SIPA1L1: variants seen among roughly 807,000 people sequenced by gnomAD.
The protein encoded by SIPA1L1 is signal induced proliferation associated 1 like 1, also known as signal-induced proliferation-associated 1-like protein 1.
In SIPA1L1, 26 loss-of-function variants were observed where a neutral mutation model predicts 162.7. That is an observed-to-expected ratio of 0.16 (90% CI 0.12 to 0.22). SIPA1L1 has a LOEUF of 0.22. Among genes scored for constraint, SIPA1L1 ranks in the 10% least tolerant of loss-of-function variants. The pLI is 1.00. For synonymous variants in SIPA1L1, 829 were observed against 837.4 expected, an observed-to-expected ratio of 0.99 and a Z score of 0.17; for missense variants, 1,874 against 2,241.0, an observed-to-expected ratio of 0.84 and a Z score of 3.31.
In SIPA1L1 at chr14:71,668,686, A is replaced by G. The variant is rs150194727; in HGVS notation, c.2256-2433A>G. Among the ~76,000 whole-genome samples, 65 of 152,272 alleles carry G rather than the reference A, an allele frequency of 4.3e-4. No individual in the cohort carries two copies. In the East Asian group the frequency reaches 0.012, roughly 29 times the overall value. ...ACTTTCCATCACTGTTTTAGCCTCT[A>G]GCTCTGTCTGTCTGTCATCTAGATA... On this transcript the variant is annotated intron_variant, in intron 10 of 23. Coordinates refer to ENST00000381232, the MANE Select transcript of SIPA1L1 (RefSeq NM_001386936.1).
chr14:71,593,761 G>C (rs1292655495), intron 5 of SIPA1L1, among the ~76,000 whole-genome samples: 1 of 152,090 alleles, frequency 6.6e-6, no homozygotes, highest in Non-Finnish European at 1.5e-5. Flanking sequence ...CATTAATGAA[G>C]ACAGAGGAGC....
intron 2 of SIPA1L1, among the ~76,000 whole-genome samples, chr14:71,327,964 A>T (rs1241303283): frequency 6.6e-6 from 1 of 152,214 alleles, no homozygotes; most frequent in Non-Finnish European, 1.5e-5. Context: ...CTTGTGAAAC[A>T]TGTTAGGAAG....
intron 4 of SIPA1L1, among the ~76,000 whole-genome samples, chr14:71,554,673 T>G (rs2056190337): frequency 6.6e-6 from 1 of 152,210 alleles, no homozygotes; most frequent in Non-Finnish European, 1.5e-5. Context: ...TTCATAAAAT[T>G]TTTTGGTGAG....
chr14:71,731,391 G>A lies in SIPA1L1; in HGVS notation c.4861+1090G>A, dbSNP rs371721706. Among the ~76,000 whole-genome samples, 46 of 152,056 alleles carry A rather than the reference G, an allele frequency of 3.0e-4. 1 individual carries two copies. Among genetic ancestry groups the A allele is most frequent in the Middle Eastern group, 6.8e-3 (2 of 294 alleles). On this transcript the variant is annotated intron_variant, in intron 20 of 23. Coordinates refer to ENST00000381232, the MANE Select transcript of SIPA1L1 (RefSeq NM_001386936.1). Reference sequence around the variant, plus strand: ...CAGCTAAAATCTGGGTTGTCTTTGCGCCAGGAAGTCACCTCCGATGAACCA... The same window carrying A: ...CAGCTAAAATCTGGGTTGTCTTTGCACCAGGAAGTCACCTCCGATGAACCA...
chr14:71,729,929 C>T lies in SIPA1L1; in HGVS notation c.4615-126C>T, dbSNP rs1448015242. ...TGAGGTTGTAGAAATAGACAATGAG[C>T]CCTGAAGCTTCCTTGCTAGGGGTGT... is the stretch of plus-strand genomic sequence containing the variant. On this transcript the variant is annotated intron_variant, in intron 19 of 23. Coordinates refer to ENST00000381232, the MANE Select transcript of SIPA1L1 (RefSeq NM_001386936.1). 31 of 1,019,694 alleles carry T rather than the reference C, an allele frequency of 3.0e-5. No homozygotes were observed. In the Admixed American group the frequency reaches 5.2e-4, roughly 17 times the overall value. The allele number at this position is 1,019,694 out of a possible 1,614,324, so 63.2% of individuals were successfully genotyped here. A position where few individuals can be genotyped will look rare whatever the true frequency, so the allele number is the denominator to read the frequency against.
At chr14:71,623,462 G>A (rs966164506) in intron 6 of SIPA1L1, among the ~76,000 whole-genome samples, 3 of 152,182 alleles carry the variant, frequency 2.0e-5, no homozygotes, top group African/African-American at 7.2e-5. Flanking sequence ...AGAAGGGAAG[G>A]TATTTTAAGA....
intron 7 of SIPA1L1, among the ~76,000 whole-genome samples, chr14:71,634,592 C>T (rs1338519669): frequency 2.6e-5 from 4 of 151,890 alleles, no homozygotes; most frequent in Non-Finnish European, 5.9e-5. Flanking sequence ...GAGACATTCT[C>T]AGATAAAGGA....
chr14:71,674,500 T>C (rs181923001), intron 12 of SIPA1L1, among the ~76,000 whole-genome samples: 173 of 152,242 alleles, frequency 1.1e-3, no homozygotes, highest in African/African-American at 4.0e-3. Flanking sequence ...GGTTAGTGCA[T>C]TTAATTCTCA....
At chr14:71,702,309 A>T in intron 14 of SIPA1L1, 72 bp from the exon 15 acceptor site, 1 of 1,549,164 alleles carries the variant, frequency 6.5e-7, no homozygotes, top group Non-Finnish European at 8.8e-7. Context: ...TTAGTTCATT[A>T]CACCCAGGAC....
chr14:71,493,978 C>G (rs2049509236), intron 2 of SIPA1L1, among the ~76,000 whole-genome samples: 1 of 152,190 alleles, frequency 6.6e-6, no homozygotes, highest in Admixed American at 6.5e-5. Context: ...AGCACAGGGG[C>G]TTTTGCTTTT....
At chr14:71,458,349 C>T (rs749078404) in intron 2 of SIPA1L1, among the ~76,000 whole-genome samples, 1 of 152,138 alleles carries the variant, frequency 6.6e-6, no homozygotes, top group Non-Finnish European at 1.5e-5. Flanking sequence ...AATTTTAGAA[C>T]CTTTTGAGCA....
At chr14:71,580,816 G>A (rs767327539) in intron 4 of SIPA1L1, among the ~76,000 whole-genome samples, 1 of 151,968 alleles carries the variant, frequency 6.6e-6, no homozygotes, top group South Asian at 2.1e-4. Context: ...CAGAAAGATG[G>A]CTTTTTTTCT....
At chr14:71,361,059 AAGAC>A (rs964644990) in intron 2 of SIPA1L1, among the ~76,000 whole-genome samples, 5 of 152,144 alleles carry the variant, frequency 3.3e-5, no homozygotes, top group African/African-American at 7.2e-5. Context: ...GGTATGGAGA[AAGAC>A]AGCAAACCTC....
chr14:71,733,329 C>T (rs1445971403), intron 20 of SIPA1L1, among the ~76,000 whole-genome samples: 1 of 152,240 alleles, frequency 6.6e-6, no homozygotes, highest in East Asian at 1.9e-4. Flanking sequence ...AATCCCTTGA[C>T]TCTGTGCAGG....
At chr14:71,561,061 G>A (rs949888126) in intron 4 of SIPA1L1, among the ~76,000 whole-genome samples, 1 of 152,050 alleles carries the variant, frequency 6.6e-6, no homozygotes, top group Non-Finnish European at 1.5e-5. Context: ...TCTAAAAAGA[G>A]TTCTTTTTAG....
At chr14:71,370,761 G>C (rs2038812062) in intron 2 of SIPA1L1, among the ~76,000 whole-genome samples, 1 of 152,162 alleles carries the variant, frequency 6.6e-6, no homozygotes, top group Non-Finnish European at 1.5e-5. Flanking sequence ...CAAAGGTCTT[G>C]ATTCCAACTG....
At chr14:71,577,083 A>AG (rs1389682816) in intron 4 of SIPA1L1, among the ~76,000 whole-genome samples, 15 of 151,538 alleles carry the variant, frequency 9.9e-5, no homozygotes, top group African/African-American at 2.2e-4. Flanking sequence ...AAAAAAAAAA[A>AG]AAGAAGAAAA....
chr14:71,494,489 G>T (rs2049557438), intron 2 of SIPA1L1, among the ~76,000 whole-genome samples: 1 of 149,118 alleles, frequency 6.7e-6, no homozygotes, highest in African/African-American at 2.5e-5. Flanking sequence ...ATCCCGTTTG[G>T]TCATAGTATC....
intron 2 of SIPA1L1, among the ~76,000 whole-genome samples, chr14:71,417,463 C>T (rs1374482333): frequency 3.3e-5 from 1 of 29,918 alleles, no homozygotes; most frequent in African/African-American, 1.4e-4. Flanking sequence ...CAGCGAGACT[C>T]CGTCTCAAAA....
Sources: allele counts gnomAD v4.1 joint callset (sites outside exome capture counted in the v4.1 genomes callset), GRCh38; gene constraint gnomAD v4.1.1; transcripts MANE v1.5; gene names NCBI Gene and HGNC (gene_info 2026-07-23, HGNC 2026-07-21).